Variants in STXBP4 observed in about 807,000 individuals in gnomAD.
STXBP4 encodes the protein syntaxin-binding protein 4.
Under a neutral mutation model 76.1 loss-of-function variants are expected in STXBP4, and 55 were observed. The ratio of observed to expected loss-of-function variants is 0.72; its 90% CI spans 0.58 to 0.91. STXBP4 has a LOEUF of 0.91. Among genes scored for constraint, STXBP4 ranks in the 40% least tolerant of loss-of-function variants. The pLI, the probability that STXBP4 is intolerant of heterozygous loss-of-function variation, is 0.00. For missense variants in STXBP4, 618 were observed against 636.9 expected, an observed-to-expected ratio of 0.97 and a Z score of 0.32; for synonymous variants, 201 against 220.2, an observed-to-expected ratio of 0.91 and a Z score of 0.77.
chr17:55,032,938 C>G (rs1056306245), intron 9 of STXBP4, among the ~76,000 whole-genome samples: 1 of 152,050 alleles, frequency 6.6e-6, no homozygotes, highest in Non-Finnish European at 1.5e-5. Context: ...TTTTTAGTGC[C>G]CGATTCTTAA....
intron 1 of STXBP4, among the ~76,000 whole-genome samples, chr17:54,981,386 A>G (rs1271402665): frequency 1.3e-5 from 2 of 151,894 alleles, no homozygotes; most frequent in African/African-American, 4.8e-5. Flanking sequence ...CAAATAAACA[A>G]CCTAACCAAA....
the STXBP4 span, among the ~76,000 whole-genome samples, chr17:55,209,924 C>T: frequency 6.3e-3 from 953 of 152,234 alleles, 10 homozygotes; most frequent in African/African-American, 0.022. Flanking sequence ...GTTGGGCATC[C>T]CTGGTTATAC....
chr17:55,042,019 A>C (rs2078707592), intron 10 of STXBP4, among the ~76,000 whole-genome samples: 1 of 152,180 alleles, frequency 6.6e-6, no homozygotes, highest in African/African-American at 2.4e-5. Context: ...AAGAATGTAG[A>C]TCATGTAAAT....
At chr17:54,990,448 A>G (rs1383268601) in intron 3 of STXBP4, among the ~76,000 whole-genome samples, 1 of 152,142 alleles carries the variant, frequency 6.6e-6, no homozygotes, top group Non-Finnish European at 1.5e-5. Flanking sequence ...TTGAGAATCT[A>G]GTGGCTGGTG....
chr17:55,186,235 G>A, the STXBP4 span, among the ~76,000 whole-genome samples: 4,592 of 152,196 alleles, frequency 0.03, 112 homozygotes, highest in East Asian at 0.15. Context: ...ACAGGATCTC[G>A]CTCTCTCACC....
In STXBP4 at chr17:54,968,793, G is replaced by C. The variant is rs1438985837; in HGVS notation, c.-179G>C. ...TGGCAGCGCTTGCAGTCGGGCTACG[G>C]AGGCCGGGTTGCCAGATTACGGGTA... On this transcript the variant is annotated 5_prime_UTR_variant, in exon 1 of 18. Coordinates refer to ENST00000376352, the MANE Select transcript of STXBP4 (RefSeq NM_178509.6). The C allele has an allele frequency of 2.2e-6, 2 of 889,796 alleles. No individual in the cohort carries two copies. Among genetic ancestry groups the C allele is most frequent in the Non-Finnish European group, 3.4e-6 (2 of 584,584 alleles). 55.1% of individuals were successfully genotyped at this position (889,796 alleles called of 1,614,324 possible). A position where few individuals can be genotyped will look rare whatever the true frequency, so the allele number is the denominator to read the frequency against.
chr17:54,971,421 A>G (rs895159274), intron 1 of STXBP4, among the ~76,000 whole-genome samples: 1 of 152,200 alleles, frequency 6.6e-6, no homozygotes, highest in Non-Finnish European at 1.5e-5. Flanking sequence ...TGTGACATCT[A>G]CCATCTTGCT....
chr17:55,098,726 A>G lies in STXBP4; in HGVS notation c.1489+17543A>G, dbSNP rs138851296. ...ACTATCAGAAAGGCCTTACCTAATC[A>G]CCTGTCTAATGTTGACCTTCTCTCC... On this transcript the variant is annotated intron_variant, in intron 16 of 17. Coordinates refer to ENST00000376352, the MANE Select transcript of STXBP4 (RefSeq NM_178509.6). Among the ~76,000 whole-genome samples the G allele has an allele frequency of 4.4e-3, 672 of 152,116 alleles. 3 individuals are homozygous for G. Among genetic ancestry groups the G allele is most frequent in the African/African-American group, 0.015 (639 of 41,480 alleles).
chr17:55,193,196 G>A, the STXBP4 span, among the ~76,000 whole-genome samples: 10 of 152,152 alleles, frequency 6.6e-5, no homozygotes, highest in Admixed American at 1.3e-4. Flanking sequence ...TGCTGAGCAG[G>A]AAGTGAGCTT....
chr17:54,980,581 A>G (rs1567869421), intron 1 of STXBP4, among the ~76,000 whole-genome samples: 1 of 152,242 alleles, frequency 6.6e-6, no homozygotes. Context: ...GAGGTTTTCC[A>G]TCGTTTCCTT....
At chr17:55,019,136 T>C (rs573146201) in intron 8 of STXBP4, among the ~76,000 whole-genome samples, 1 of 152,380 alleles carries the variant, frequency 6.6e-6, no homozygotes, top group Non-Finnish European at 1.5e-5. Flanking sequence ...TACTTTACAT[T>C]TATTCTACAT....
intron 16 of STXBP4, among the ~76,000 whole-genome samples, chr17:55,137,791 T>C (rs547934704): frequency 6.6e-6 from 1 of 152,258 alleles, no homozygotes; most frequent in African/African-American, 2.4e-5. Flanking sequence ...TTGAAAATTT[T>C]AGATAGGTAT....
intron 11 of STXBP4, chr17:55,044,691 G>T (rs1598259392): frequency 6.6e-6 from 1 of 152,018 alleles, no homozygotes; most frequent in East Asian, 1.9e-4. Context: ...GGGACAGGGA[G>T]TATGTGAGAA....
chr17:55,047,218 G>GTGTGTGTGTGTGTGT (rs1555572667), intron 12 of STXBP4, 64 bp downstream of exon 12: 1 of 862,582 alleles, frequency 1.2e-6, no homozygotes, highest in African/African-American at 1.8e-5. Context: ...GTGTGTGTGT[G>GTGTGTGTGTGTGTGT]AACATATGAG....
In STXBP4 at chr17:55,168,267, C is replaced by T. The variant is rs1040525054; in HGVS notation, c.*8356C>T. ...CACACCACACACACACACACACACA[C>T]GTATTGGAGGAATAAGAAATATTTA... On this transcript the variant is annotated 3_prime_UTR_variant, in exon 18 of 18. Coordinates refer to ENST00000376352, the MANE Select transcript of STXBP4 (RefSeq NM_178509.6). 2.2e-5 allele frequency: 3 copies of T among 138,758 alleles called. No homozygotes were observed. The highest frequency in any genetic ancestry group is 4.1e-4 in the East Asian group (2 of 4,850). The allele number at this position is 138,758 out of a possible 1,614,324, so 8.6% of individuals were successfully genotyped here.
At chr17:55,028,601 T>C (rs2078455170) in intron 8 of STXBP4, among the ~76,000 whole-genome samples, 1 of 152,210 alleles carries the variant, frequency 6.6e-6, no homozygotes, top group South Asian at 2.1e-4. Context: ...CATTTTTGGT[T>C]GTCACAGCTG....
At chr17:55,081,525 A>G (rs1189008570) in intron 16 of STXBP4, among the ~76,000 whole-genome samples, 1 of 152,206 alleles carries the variant, frequency 6.6e-6, no homozygotes, top group East Asian at 1.9e-4. Flanking sequence ...CAGGTGGAAT[A>G]AGATTAAATG....
At chr17:55,141,869 T>C (rs557492293) in intron 17 of STXBP4, among the ~76,000 whole-genome samples, 103 of 152,298 alleles carry the variant, frequency 6.8e-4, no homozygotes, top group Non-Finnish European at 1.3e-3. Flanking sequence ...CTTGATAGCA[T>C]AGAATTTACA....
At chr17:55,130,256 GA>G (rs1347007259) in intron 16 of STXBP4, among the ~76,000 whole-genome samples, 1 of 152,184 alleles carries the variant, frequency 6.6e-6, no homozygotes, top group African/African-American at 2.4e-5. Context: ...TCAACCTACA[GA>G]ACTTTCAAGA....
Sources: gnomAD v4.1 joint callset for allele counts (sites outside exome capture counted in the v4.1 genomes callset) on GRCh38, gnomAD v4.1.1 for gene constraint, MANE v1.5 for transcripts, NCBI Gene and HGNC (gene_info 2026-07-23, HGNC 2026-07-21) for gene names.